PTGER4: variants seen among roughly 807,000 people sequenced by gnomAD.
PTGER4 encodes prostaglandin E2 receptor EP4 subtype.
A neutral mutation model predicts 33.2 loss-of-function variants in PTGER4; 11 were observed. That is an observed-to-expected ratio of 0.33 (90% CI 0.21 to 0.55). The LOEUF is 0.55. PTGER4 is among the 20% of genes least tolerant of loss of function. The pLI, the probability that PTGER4 is intolerant of heterozygous loss-of-function variation, is 0.92. For missense variants in PTGER4, 481 were observed against 650.2 expected, an observed-to-expected ratio of 0.74 and a Z score of 2.83; for synonymous variants, 275 against 281.5, an observed-to-expected ratio of 0.98 and a Z score of 0.23.
chr5:40,725,461 G>T, the PTGER4 span, among the ~76,000 whole-genome samples: 38 of 152,290 alleles, frequency 2.5e-4, no homozygotes, highest in South Asian at 1.9e-3. Context: ...TGGCTAAAAT[G>T]AGACTTGGAA....
chr5:40,691,898 T>A lies in PTGER4; in HGVS notation c.987T>A (p.Tyr329Ter). 6.2e-7 allele frequency: 1 copy of A among 1,614,244 alleles called. No individual in the cohort carries two copies. The highest frequency in any genetic ancestry group is 8.5e-7 in the Non-Finnish European group (1 of 1,180,040). ...SVNPILDPWI[Y>*]ILLRKTVLSK... ...ACCCCATCCTAGACCCCTGGATATA[T>A]ATCCTCCTGAGAAAGACAGTGCTCA... Residue 329 changes from tyrosine (Y) to a stop codon, truncating the protein, a stop_gained, in exon 3 of 3, where the codon TAT becomes TAA. Transcript: ENST00000302472. LOFTEE classifies it high-confidence loss of function. This position sits in a 1 kb window ranked among gnomAD's most constrained non-coding sequence, Gnocchi z 4.2.
chr5:40,699,694 T>C, the PTGER4 span, among the ~76,000 whole-genome samples: 1 of 152,126 alleles, frequency 6.6e-6, no homozygotes, highest in African/African-American at 2.4e-5. Context: ...TGATTTAGTA[T>C]CTGAAAAATA....
At chr5:40,694,021 GTTTT>G (rs949161195), downstream of PTGER4, among the ~76,000 whole-genome samples, 1 of 151,980 alleles carries the variant, frequency 6.6e-6, no homozygotes, top group African/African-American at 2.4e-5. Flanking sequence ...AAATTTTGCA[GTTTT>G]TTTAACTGCC....
At chr5:40,728,221 T>C in the PTGER4 span, 1 of 726,486 alleles carries the variant, frequency 1.4e-6, no homozygotes, top group African/African-American at 2.0e-5. Flanking sequence ...GAGGCGGAGG[T>C]TGCCGTGAGC....
the PTGER4 span, among the ~76,000 whole-genome samples, chr5:40,734,444 C>G: frequency 6.6e-6 from 1 of 152,154 alleles, no homozygotes; most frequent in East Asian, 1.9e-4. Context: ...TAAGGACAAT[C>G]TTAACAGTAT....
rs941487084 is a variant in PTGER4 at position 40,683,226 on chromosome 5, G to A, written c.867+1366G>A. Among the ~76,000 whole-genome samples the A allele has an allele frequency of 6.6e-6, 1 of 152,180 alleles. No individual in the cohort carries two copies. The highest frequency in any genetic ancestry group is 1.5e-5 in the Non-Finnish European group (1 of 68,026). On this transcript the variant is annotated intron_variant, in intron 2 of 2. Transcript: ENST00000302472. The surrounding 1 kb of genome is among the most constrained non-coding windows in gnomAD (Gnocchi z 4.2). ...TATTGATACTGTCCAGGGATCTTTGGTGTAAAAATATATCTTTGATAAAAG... is the reference window on the plus strand; with the variant it reads ...TATTGATACTGTCCAGGGATCTTTGATGTAAAAATATATCTTTGATAAAAG...
downstream of PTGER4, among the ~76,000 whole-genome samples, chr5:40,697,583 CA>C (rs768811169): frequency 2.1e-5 from 2 of 94,754 alleles, no homozygotes; most frequent in East Asian, 4.1e-4. Flanking sequence ...AATTCCATCT[CA>C]AAAAAAAAAC....
chr5:40,703,971 C>T, the PTGER4 span, among the ~76,000 whole-genome samples: 19 of 140,610 alleles, frequency 1.4e-4, no homozygotes, highest in South Asian at 4.4e-3. Context: ...GACTTCTCCC[C>T]AACTCATTCT....
chr5:40,714,422 C>T, the PTGER4 span: 1 of 152,006 alleles, frequency 6.6e-6, no homozygotes, highest in African/African-American at 2.4e-5. Flanking sequence ...CTAAGTAGAT[C>T]AATCTAATTT....
downstream of PTGER4, among the ~76,000 whole-genome samples, chr5:40,698,106 AAAAAAAAAAAAAAC>A (rs1312039972): frequency 4.8e-5 from 7 of 144,584 alleles, no homozygotes; most frequent in East Asian, 2.0e-4. Flanking sequence ...AAAAAAAAAA[AAAAAAAAAAAAAAC>A]CATGAAAAAT....
intron 2 of PTGER4, among the ~76,000 whole-genome samples, chr5:40,682,776 C>T (rs1303177954): frequency 6.6e-6 from 1 of 152,186 alleles, no homozygotes; most frequent in Admixed American, 6.5e-5. Flanking sequence ...GGACCTTAGG[C>T]CGTCTGAGGC....
chr5:40,735,457 G>C, the PTGER4 span, among the ~76,000 whole-genome samples: 1 of 152,150 alleles, frequency 6.6e-6, no homozygotes, highest in Non-Finnish European at 1.5e-5. Context: ...GTGAAAAAAA[G>C]AAAGAAATCC....
chr5:40,698,877 G>C, the PTGER4 span, among the ~76,000 whole-genome samples: 11 of 152,282 alleles, frequency 7.2e-5, no homozygotes, highest in African/African-American at 2.2e-4. Context: ...CGTACCAAAA[G>C]AGTAACAGAA....
At chr5:40,697,815 T>A (rs1490006431), downstream of PTGER4, among the ~76,000 whole-genome samples, 3 of 151,536 alleles carry the variant, frequency 2.0e-5, no homozygotes, top group African/African-American at 7.3e-5. Context: ...TTATGTGTAA[T>A]AAGTATACTC....
downstream of PTGER4, among the ~76,000 whole-genome samples, chr5:40,698,594 G>T (rs966012829): frequency 3.9e-5 from 6 of 152,220 alleles, no homozygotes; most frequent in African/African-American, 1.4e-4. Context: ...TTTGAAAAGT[G>T]AACTAAAGTT....
the PTGER4 span, among the ~76,000 whole-genome samples, chr5:40,735,115 T>A: frequency 6.6e-6 from 1 of 152,096 alleles, no homozygotes; most frequent in Non-Finnish European, 1.5e-5. Context: ...AAGTCAGAGG[T>A]CAGGGAGGTG....
At chr5:40,728,480 T>A in the PTGER4 span, 1 of 1,588,750 alleles carries the variant, frequency 6.3e-7, no homozygotes, top group Admixed American at 1.9e-5. Context: ...TTAGCACCTA[T>A]AGGCAAAAAA....
rs750682363 is a variant in PTGER4 at position 40,681,017 on chromosome 5, G to A, written c.24G>A (p.Ser8=). 1.2e-6 allele frequency: 2 copies of A among 1,613,350 alleles called. No homozygotes were observed. The highest frequency in any genetic ancestry group is 4.5e-5 in the East Asian group (2 of 44,868). Reference sequence around the variant, plus strand: ...TCATGTCCACTCCCGGGGTCAATTCGTCCGCCTCCTTGAGCCCCGACCGGC... The same window carrying A: ...TCATGTCCACTCCCGGGGTCAATTCATCCGCCTCCTTGAGCCCCGACCGGC... MSTPGVN[S]SASLSPDRLN... The change falls in exon 2 of 3, where the codon TCG becomes TCA. Residue 8 remains serine, a synonymous_variant. Transcript: ENST00000302472. This position sits in a 1 kb window ranked among gnomAD's most constrained non-coding sequence, Gnocchi z 9.8.
chr5:40,712,644 GACC>G, the PTGER4 span, among the ~76,000 whole-genome samples: 2 of 152,190 alleles, frequency 1.3e-5, no homozygotes, highest in East Asian at 3.8e-4. Context: ...GCTGGCAAGA[GACC>G]ACAACATCGG....
Sources: gnomAD v4.1 joint callset for allele counts (sites outside exome capture counted in the v4.1 genomes callset) on GRCh38, gnomAD v4.1.1 for gene constraint, Gnocchi (gnomAD v3.1) non-coding constraint, MANE v1.5 for transcripts, NCBI Gene and HGNC (gene_info 2026-07-23, HGNC 2026-07-21) for gene names.